PFKFB3: variants seen among roughly 807,000 people sequenced by gnomAD.
PFKFB3 encodes 6-phosphofructo-2-kinase/fructose-2,6-bisphosphatase 3.
PFKFB3 carries 33 observed loss-of-function variants against 68.0 expected under a neutral mutation model. The observed-to-expected ratio is 0.49, with a 90% confidence interval of 0.37 to 0.65. PFKFB3 has a LOEUF of 0.65. Among genes scored for constraint, PFKFB3 ranks in the 30% least tolerant of loss-of-function variants. The probability of loss-of-function intolerance (pLI) is 0.00; values close to 1 mark genes in which losing one functional copy is unlikely to be tolerated. For synonymous variants in PFKFB3, 315 were observed against 288.2 expected, an observed-to-expected ratio of 1.09 and a Z score of -0.94; for missense variants, 586 against 712.2, an observed-to-expected ratio of 0.82 and a Z score of 2.02.
At chr10:6,194,121 G>T (rs539380236) in intron 1 of PFKFB3, among the ~76,000 whole-genome samples, 59 of 152,310 alleles carry the variant, frequency 3.9e-4, no homozygotes, top group African/African-American at 1.4e-3. Context: ...GGGAGCAGAG[G>T]TCTAGACGAG....
downstream of PFKFB3, among the ~76,000 whole-genome samples, chr10:6,258,293 A>G (rs1846510350): frequency 6.6e-6 from 1 of 152,128 alleles, no homozygotes; most frequent in Non-Finnish European, 1.5e-5. Context: ...CAGATTGGGG[A>G]AGAGGGGTGA....
Position 6,213,731 on chromosome 10 carries a change from T to C in PFKFB3, c.185T>C (p.Ile62Thr). The C allele has an allele frequency of 1.2e-6, 2 of 1,612,970 alleles. No individual in the cohort carries two copies. The highest frequency in any genetic ancestry group is 2.2e-5 in the South Asian group (2 of 90,744). Residue 62 changes from isoleucine (I) to threonine (T), a missense_variant, in exon 2 of 15, where the codon ATT becomes ACT. Transcript: ENST00000379775. ...AAGCTGACTCGCTACCTCAACTGGA[T>C]TGGCGTCCCCACAAAAGGTGAGACT... Reference protein sequence around the residue: ...SKKLTRYLNWIGVPTKVFNVG... With the variant: ...SKKLTRYLNWTGVPTKVFNVG...
the PFKFB3 span, among the ~76,000 whole-genome samples, chr10:6,287,136 C>T: frequency 6.6e-6 from 1 of 152,074 alleles, no homozygotes; most frequent in East Asian, 1.9e-4. Flanking sequence ...ACCCAGGCCA[C>T]AGTGCAGTGG....
the PFKFB3 span, among the ~76,000 whole-genome samples, chr10:6,309,442 C>T: frequency 2.0e-5 from 3 of 151,964 alleles, no homozygotes; most frequent in South Asian, 2.1e-4. Context: ...GGCAACATGG[C>T]GAAACCCCGG....
chr10:6,203,027 CG>C lies in PFKFB3; in HGVS notation c.-232del. ...CCCAGAGCTTTCCGAGCGGACGAGCCGGCCGTGCCGGGCATCCCCAGCCTCG... is the reference window on the plus strand; with the variant it reads ...CCCAGAGCTTTCCGAGCGGACGAGCCGCCGTGCCGGGCATCCCCAGCCTCG... On this transcript the variant is annotated 5_prime_UTR_variant, in exon 1 of 15. Transcript: ENST00000379775. 5 of 1,373,558 alleles carry C rather than the reference CG, an allele frequency of 3.6e-6. No homozygotes were observed. The highest frequency in any genetic ancestry group is 4.7e-6 in the Non-Finnish European group (5 of 1,068,252). The allele number at this position is 1,373,558 out of a possible 1,614,324, so 85.1% of individuals were successfully genotyped here. A position where few individuals can be genotyped will look rare whatever the true frequency, so the allele number is the denominator to read the frequency against.
At chr10:6,218,367 T>C (rs2182411) in intron 6 of PFKFB3, among the ~76,000 whole-genome samples, 139,723 of 151,166 alleles carry the variant, frequency 0.92, 65,555 homozygotes, top group East Asian at 1. Flanking sequence ...TAAATTGTGG[T>C]AAAATATACA....
chr10:6,227,922 G>A (rs1406049947), intron 14 of PFKFB3, among the ~76,000 whole-genome samples: 2 of 152,134 alleles, frequency 1.3e-5, no homozygotes, highest in Non-Finnish European at 2.9e-5. Context: ...TTCAGAGGCC[G>A]CTGCTTTGAT....
At chr10:6,189,966 T>C (rs1176090509) in intron 1 of PFKFB3, among the ~76,000 whole-genome samples, 2 of 151,300 alleles carry the variant, frequency 1.3e-5, no homozygotes, top group Non-Finnish European at 3.0e-5. Context: ...ATTTTTGAGA[T>C]GGAGTCTCGC....
At chr10:6,246,105 G>T (rs1260448873) in intron 14 of PFKFB3, among the ~76,000 whole-genome samples, 2 of 152,046 alleles carry the variant, frequency 1.3e-5, no homozygotes, top group Non-Finnish European at 2.9e-5. Context: ...TCTGGTGATG[G>T]CCATTCACCC....
chr10:6,172,984 C>T (rs963789142), intron 1 of PFKFB3, among the ~76,000 whole-genome samples: 3 of 152,164 alleles, frequency 2.0e-5, no homozygotes, highest in African/African-American at 7.2e-5. Flanking sequence ...GGCCAGCGTC[C>T]ACTGCAGTGG....
chr10:6,179,622 G>T (rs571208512), intron 1 of PFKFB3, among the ~76,000 whole-genome samples: 1 of 152,168 alleles, frequency 6.6e-6, no homozygotes, highest in Non-Finnish European at 1.5e-5. Flanking sequence ...CAGGAGGACT[G>T]CAGGCAAGAG....
chr10:6,228,342 G>C lies in PFKFB3; in HGVS notation c.1515+1977G>C. 1 of 1,057,114 alleles carries C rather than the reference G, an allele frequency of 9.5e-7. No homozygotes were observed. The highest frequency in any genetic ancestry group is 1.3e-5 in the South Asian group (1 of 78,700). 65.5% of individuals were successfully genotyped at this position (1,057,114 alleles called of 1,614,324 possible). A position where few individuals can be genotyped will look rare whatever the true frequency, so the allele number is the denominator to read the frequency against. On this transcript the variant is annotated intron_variant, in intron 14 of 14. Coordinates refer to ENST00000379775, the MANE Select transcript of PFKFB3 (RefSeq NM_004566.4). This position sits in a 1 kb window ranked among gnomAD's most constrained non-coding sequence, Gnocchi z 4.5. Reference sequence around the variant, plus strand: ...TTGTGATGTGAGGTCTTCCGTGGGGGAAGGAGGAGATGGGCGTAGGAGTAG... The same window carrying C: ...TTGTGATGTGAGGTCTTCCGTGGGGCAAGGAGGAGATGGGCGTAGGAGTAG...
At chr10:6,219,420 A>G (rs957074774) in intron 6 of PFKFB3, 149 bp from the exon 7 acceptor site, 2 of 778,216 alleles carry the variant, frequency 2.6e-6, no homozygotes, top group Non-Finnish European at 4.3e-6. Flanking sequence ...AGCCCCCAGC[A>G]TCTTTCTCCC....
chr10:6,187,796 A>G (rs912159564), intron 1 of PFKFB3, among the ~76,000 whole-genome samples: 10 of 152,338 alleles, frequency 6.6e-5, no homozygotes, highest in Admixed American at 2.6e-4. Context: ...TATACTTCTC[A>G]TGAACTTTAA....
intron 1 of PFKFB3, among the ~76,000 whole-genome samples, chr10:6,165,109 G>A (rs189944446): frequency 1.3e-5 from 2 of 152,126 alleles, no homozygotes; most frequent in African/African-American, 4.8e-5. Context: ...CTGTCTCAGT[G>A]GGGGGAAACC....
At chr10:6,166,405 T>G (rs537707213) in intron 1 of PFKFB3, among the ~76,000 whole-genome samples, 1 of 152,208 alleles carries the variant, frequency 6.6e-6, no homozygotes, top group South Asian at 2.1e-4. Flanking sequence ...ATTTTTTTTT[T>G]TCTGAGCCTC....
In PFKFB3 at chr10:6,233,211, C is replaced by T. The variant is rs1202423251; in HGVS notation, c.*269C>T. On this transcript the variant is annotated 3_prime_UTR_variant, in exon 15 of 15. Coordinates refer to ENST00000379775, the MANE Select transcript of PFKFB3 (RefSeq NM_004566.4). ...TGGGTTTCCTAGGAATGTCCAGCCTCGGAGACCTTCACAAAGCCTTGGGAG... is the reference window on the plus strand; with the variant it reads ...TGGGTTTCCTAGGAATGTCCAGCCTTGGAGACCTTCACAAAGCCTTGGGAG... 8.7e-6 allele frequency: 4 copies of T among 459,624 alleles called. No individual in the cohort carries two copies. Among genetic ancestry groups the T allele is most frequent in the Non-Finnish European group, 1.6e-5 (4 of 253,590 alleles). 28.5% of individuals were successfully genotyped at this position (459,624 alleles called of 1,614,324 possible). A position where few individuals can be genotyped will look rare whatever the true frequency, so the allele number is the denominator to read the frequency against.
At chr10:6,271,374 G>A in the PFKFB3 span, among the ~76,000 whole-genome samples, 6 of 152,368 alleles carry the variant, frequency 3.9e-5, no homozygotes, top group African/African-American at 1.4e-4. Context: ...GAAGGACTCT[G>A]ACAGCTGCCT....
At chr10:6,146,299 G>C in intron 1 of PFKFB3, 4 of 1,504,922 alleles carry the variant, frequency 2.7e-6, no homozygotes, top group Non-Finnish European at 3.5e-6. Context: ...TTTTCAAACA[G>C]AGGGTGCCTA....
Sources: allele counts gnomAD v4.1 joint callset (sites outside exome capture counted in the v4.1 genomes callset), GRCh38; gene constraint gnomAD v4.1.1; non-coding constraint Gnocchi (gnomAD v3.1); transcripts MANE v1.5; gene names NCBI Gene and HGNC (gene_info 2026-07-23, HGNC 2026-07-21).